TAS2R1: variants seen among roughly 807,000 people sequenced by gnomAD.
TAS2R1 encodes taste 2 receptor member 1.
For missense variants in TAS2R1, 370 were observed against 353.4 expected, an observed-to-expected ratio of 1.05 and a Z score of -0.38; for synonymous variants, 141 against 134.2, an observed-to-expected ratio of 1.05 and a Z score of -0.35.
chr5:9,716,137 T>C (rs1374524482), upstream of TAS2R1, among the ~76,000 whole-genome samples: 2 of 152,074 alleles, frequency 1.3e-5, no homozygotes, highest in African/African-American at 2.4e-5. Context: ...GACAGGCAAG[T>C]GTAAAGAGGT....
the TAS2R1 span, among the ~76,000 whole-genome samples, chr5:9,841,223 C>T: frequency 6.6e-6 from 1 of 152,122 alleles, no homozygotes; most frequent in Non-Finnish European, 1.5e-5. Context: ...TTGAATTTAT[C>T]CATATTGAGA....
chr5:9,747,315 A>T, the TAS2R1 span, among the ~76,000 whole-genome samples: 10 of 152,300 alleles, frequency 6.6e-5, no homozygotes, highest in South Asian at 2.1e-3. Flanking sequence ...GGTGCTATAC[A>T]GGAACACATG....
upstream of TAS2R1, among the ~76,000 whole-genome samples, chr5:9,715,088 CTA>C (rs2126535910): frequency 6.6e-6 from 1 of 152,330 alleles, no homozygotes; most frequent in South Asian, 2.1e-4. Flanking sequence ...TCAAAAGAAA[CTA>C]CACACACTTC....
chr5:9,667,280 C>T (rs1355323532), intron 1 of TAS2R1, among the ~76,000 whole-genome samples: 1 of 152,168 alleles, frequency 6.6e-6, no homozygotes, highest in Non-Finnish European at 1.5e-5. Context: ...ACTCTACCTA[C>T]CCCCACCTCT....
intron 1 of TAS2R1, among the ~76,000 whole-genome samples, chr5:9,701,537 T>C (rs1307677895): frequency 7.2e-5 from 11 of 152,122 alleles, no homozygotes; most frequent in Admixed American, 6.6e-5. Context: ...AGGAAAAAAA[T>C]GCCTGTTTCT....
chr5:9,697,585 C>A (rs568736334), intron 1 of TAS2R1, among the ~76,000 whole-genome samples: 1 of 152,202 alleles, frequency 6.6e-6, no homozygotes, highest in Admixed American at 6.5e-5. Context: ...AATTATTGAT[C>A]CTATTAATGC....
chr5:9,738,506 A>T, the TAS2R1 span, among the ~76,000 whole-genome samples: 1 of 152,172 alleles, frequency 6.6e-6, no homozygotes, highest in African/African-American at 2.4e-5. Context: ...TATTCCAATA[A>T]CACCACCTTT....
At chr5:9,662,142 C>G (rs547011231) in intron 1 of TAS2R1, among the ~76,000 whole-genome samples, 12 of 152,262 alleles carry the variant, frequency 7.9e-5, no homozygotes, top group Non-Finnish European at 1.3e-4. Context: ...TTGATGTAAG[C>G]AAGTCACAAA....
Position 9,628,041 on chromosome 5 carries a change from G to C in TAS2R1, c.*1092C>G, listed in dbSNP as rs1739787642. Among the ~76,000 whole-genome samples, 1 of 152,116 alleles carries C rather than the reference G, an allele frequency of 6.6e-6. No homozygotes were observed. Among genetic ancestry groups the C allele is most frequent in the African/African-American group, 2.4e-5 (1 of 41,420 alleles). On this transcript the variant is annotated 3_prime_UTR_variant, in exon 1 of 1. Transcript: ENST00000382492. Reference sequence around the variant, plus strand: ...AACTACAAGTTACCGCTGAGCTTAAGAACATTTTTTACTTCATTTACTTGT... The same window carrying C: ...AACTACAAGTTACCGCTGAGCTTAACAACATTTTTTACTTCATTTACTTGT...
chr5:9,825,546 T>C, the TAS2R1 span, among the ~76,000 whole-genome samples: 13 of 152,200 alleles, frequency 8.5e-5, no homozygotes, highest in Admixed American at 2.6e-4. Context: ...TTCTGTAAGA[T>C]GGAACTTTCT....
In TAS2R1 at chr5:9,630,122, G is replaced by A; in HGVS notation, c.-90C>T. On this transcript the variant is annotated 5_prime_UTR_variant, in exon 1 of 1. Coordinates refer to ENST00000382492, the MANE Select transcript of TAS2R1 (RefSeq NM_019599.3). ...TGTTCACGCTCTTCAATTAGATCAG[G>A]ACTCCTCTGGGGAAGAAGACTAACA... 9.1e-7 allele frequency: 1 copy of A among 1,097,948 alleles called. No individual in the cohort carries two copies. The highest frequency in any genetic ancestry group is 1.3e-6 in the Non-Finnish European group (1 of 785,622). The allele number at this position is 1,097,948 out of a possible 1,614,324, so 68.0% of individuals were successfully genotyped here. A position where few individuals can be genotyped will look rare whatever the true frequency, so the allele number is the denominator to read the frequency against.
At chr5:9,685,491 T>C (rs1741106990) in intron 1 of TAS2R1, among the ~76,000 whole-genome samples, 1 of 152,176 alleles carries the variant, frequency 6.6e-6, no homozygotes, top group South Asian at 2.1e-4. Flanking sequence ...ATTGTAAATA[T>C]ATTTATAGAA....
At chr5:9,898,957 C>T in the TAS2R1 span, among the ~76,000 whole-genome samples, 1,054 of 152,220 alleles carry the variant, frequency 6.9e-3, 15 homozygotes, top group African/African-American at 0.024. Context: ...TCGTTGAAGA[C>T]GGGAAGTGGA....
intron 1 of TAS2R1, among the ~76,000 whole-genome samples, chr5:9,664,550 T>C (rs1740595110): frequency 6.6e-6 from 1 of 152,236 alleles, no homozygotes. Flanking sequence ...GACTGAAAGT[T>C]GCCTCTAGAA....
the TAS2R1 span, among the ~76,000 whole-genome samples, chr5:9,807,301 G>A: frequency 3.9e-5 from 6 of 152,152 alleles, no homozygotes; most frequent in Non-Finnish European, 8.8e-5. Context: ...TACACTGTGG[G>A]TGGGAATGTA....
intron 2 of TAS2R1, among the ~76,000 whole-genome samples, chr5:9,652,024 G>T (rs1234416101): frequency 6.6e-6 from 1 of 152,128 alleles, no homozygotes; most frequent in Non-Finnish European, 1.5e-5. Context: ...AAATTTAGAG[G>T]TCTGTTGCTG....
chr5:9,785,001 T>TTAA, the TAS2R1 span, among the ~76,000 whole-genome samples: 2 of 152,192 alleles, frequency 1.3e-5, no homozygotes, highest in African/African-American at 4.8e-5. Context: ...CCCAGAACAG[T>TTAA]ATCCCATGTT....
the TAS2R1 span, among the ~76,000 whole-genome samples, chr5:9,899,494 G>C: frequency 6.6e-6 from 1 of 151,974 alleles, no homozygotes; most frequent in African/African-American, 2.4e-5. Flanking sequence ...AAAATTAGCT[G>C]GGTGTGGTGG....
At chr5:9,636,616 A>G (rs534609191) in intron 2 of TAS2R1, among the ~76,000 whole-genome samples, 1 of 152,200 alleles carries the variant, frequency 6.6e-6, no homozygotes, top group East Asian at 1.9e-4. Context: ...TGTTAGGTGC[A>G]TATATATTTA....
Sources: allele counts gnomAD v4.1 joint callset (sites outside exome capture counted in the v4.1 genomes callset), GRCh38; gene constraint gnomAD v4.1.1; transcripts MANE v1.5; gene names NCBI Gene and HGNC (gene_info 2026-07-23, HGNC 2026-07-21).